The following GRIK4 variants were observed in gnomAD, a reference collection of about 807,000 sequenced individuals.
GRIK4 encodes glutamate receptor ionotropic, kainate 4.
Under a neutral mutation model 104.9 loss-of-function variants are expected in GRIK4, and 40 were observed. The ratio of observed to expected loss-of-function variants is 0.38; its 90% CI spans 0.30 to 0.50. GRIK4 has a LOEUF of 0.50. Ranked by LOEUF, GRIK4 falls within the 20% of genes least tolerant of loss-of-function variation. The pLI is 0.93. For missense variants in GRIK4, 1,047 were observed against 1,308.1 expected (o/e 0.80, Z 3.08); for synonymous variants, 485 against 524.9 (o/e 0.92, Z 1.04).
At chr11:120,934,204 CAAAAAAAAAAAAAAA>C (rs35705174) in intron 13 of GRIK4, among the ~76,000 whole-genome samples, 4 of 54,244 alleles carry the variant, frequency 7.4e-5, no homozygotes, top group Admixed American at 2.3e-4. Flanking sequence ...GACTCCGTCT[CAAAAAAAAAAAAAAA>C]AAAAAAAAAA....
chr11:120,875,111 G>T (rs768989782), intron 10 of GRIK4, 28 bp from the exon 11 acceptor site: 1 of 1,412,682 alleles, frequency 7.1e-7, no homozygotes, highest in Non-Finnish European at 1.0e-6. Flanking sequence ...GGCCTGTTTG[G>T]TGCTGTAACT....
rs182598824 is a variant in GRIK4, at chr11:120,595,900, G to C, written c.-158-57785G>C. Among the ~76,000 whole-genome samples the C allele has an allele frequency of 3.0e-3, 464 of 152,340 alleles. 3 individuals carry two copies. Among genetic ancestry groups the C allele is most frequent in the Non-Finnish European group, 5.5e-3 (371 of 68,038 alleles). On this transcript the variant is annotated intron_variant, in intron 1 of 20. Transcript: ENST00000527524. ...CTTGCTCTGTTGCCTGGGCTGGAGTGCAGTGGCGTGATCTCAGCTCACTGC... is the reference window on the plus strand; with the variant it reads ...CTTGCTCTGTTGCCTGGGCTGGAGTCCAGTGGCGTGATCTCAGCTCACTGC...
chr11:120,810,198 C>A (rs974119569), intron 4 of GRIK4, among the ~76,000 whole-genome samples: 7 of 152,230 alleles, frequency 4.6e-5, no homozygotes, highest in Non-Finnish European at 8.8e-5. Flanking sequence ...AGCTTTACAT[C>A]TGTCTGTTGA....
chr11:120,955,241 A>G (rs1274727371), intron 15 of GRIK4, among the ~76,000 whole-genome samples: 1 of 152,218 alleles, frequency 6.6e-6, no homozygotes, highest in East Asian at 1.9e-4. Context: ...GGGAGCCAAC[A>G]AAGTGGGGCA....
At chr11:120,604,214 T>A (rs1214529286) in intron 1 of GRIK4, among the ~76,000 whole-genome samples, 1 of 139,692 alleles carries the variant, frequency 7.2e-6, no homozygotes, top group African/African-American at 2.7e-5. Context: ...TCTGCCCCCC[T>A]TCGTTTGGAA....
chr11:120,645,162 G>A lies in GRIK4; in HGVS notation c.-158-8523G>A, dbSNP rs534312877. Among the ~76,000 whole-genome samples, 5 of 152,190 alleles carry A rather than the reference G, an allele frequency of 3.3e-5. No individual in the cohort carries two copies. The South Asian group carries it at 1.0e-3, about 32-fold the overall frequency. On this transcript the variant is annotated intron_variant, in intron 1 of 20. Coordinates refer to ENST00000527524, the MANE Select transcript of GRIK4 (RefSeq NM_014619.5). ...GTGTGTGTGTGTATGTGTATGTATG[G>A]TGGTTGTGTGTGTCTGTCCTTCAAG...
rs114707035 is a variant in GRIK4, at chr11:120,722,952, C to T, written c.82+62552C>T. On this transcript the variant is annotated intron_variant, in intron 3 of 20. Transcript: ENST00000527524. The stretch of plus-strand genomic sequence containing the variant: ...GAAGTTTAAAAGGGGTGGTAACTAA[C>T]AGGGCTTTATCCTGACACCAGCCAT... 5.8e-3 allele frequency among the ~76,000 whole-genome samples: 890 copies of T among 152,324 alleles called. 8 individuals carry two copies. The highest frequency in any genetic ancestry group is 0.021 in the African/African-American group (853 of 41,570).
chr11:120,746,587 G>A (rs1951442276), intron 3 of GRIK4, among the ~76,000 whole-genome samples: 1 of 152,182 alleles, frequency 6.6e-6, no homozygotes, highest in Non-Finnish European at 1.5e-5. Context: ...AAATGCCTTA[G>A]GAGAGGAACT....
intron 20 of GRIK4, 60 bp downstream of exon 20, chr11:120,982,284 C>T: frequency 2.2e-6 from 2 of 896,668 alleles, no homozygotes; most frequent in East Asian, 2.4e-5. Context: ...TTCACAGGCT[C>T]ATGCACATAT....
intron 1 of GRIK4, among the ~76,000 whole-genome samples, chr11:120,614,862 G>T (rs1163929006): frequency 6.6e-6 from 1 of 152,166 alleles, no homozygotes; most frequent in Non-Finnish European, 1.5e-5. Flanking sequence ...ATCCGGGTGT[G>T]GTGGCGGGCG....
intron 7 of GRIK4, among the ~76,000 whole-genome samples, chr11:120,835,534 A>AAAAAC (rs1555075335): frequency 2.0e-5 from 3 of 151,260 alleles, no homozygotes; most frequent in Non-Finnish European, 4.4e-5. Flanking sequence ...ACTCAAAGAA[A>AAAAAC]AAACAAACAA....
intron 3 of GRIK4, among the ~76,000 whole-genome samples, chr11:120,767,516 T>C (rs2135451092): frequency 6.6e-6 from 1 of 152,302 alleles, no homozygotes; most frequent in East Asian, 1.9e-4. Flanking sequence ...TTTCATTTTG[T>C]TGTTTATTTT....
chr11:120,645,973 G>A (rs959186272), intron 1 of GRIK4, among the ~76,000 whole-genome samples: 5 of 152,188 alleles, frequency 3.3e-5, no homozygotes, highest in Admixed American at 1.3e-4. Flanking sequence ...CCAGAAGGGC[G>A]ACTGATCCAT....
intron 6 of GRIK4, among the ~76,000 whole-genome samples, chr11:120,830,914 G>C (rs7938081): frequency 0.46 from 61,330 of 134,668 alleles, 13,252 homozygotes; most frequent in Middle Eastern, 0.58. Flanking sequence ...CATACCCTCT[G>C]CTGGCTGGCA....
In GRIK4 at chr11:120,986,673, AAAAATT is replaced by A. The variant is rs1944761086; in HGVS notation, c.*417_*422del. On this transcript the variant is annotated 3_prime_UTR_variant, in exon 21 of 21. Coordinates refer to ENST00000527524, the MANE Select transcript of GRIK4 (RefSeq NM_014619.5). ...TCCGTCTAGTTCTTACAGAAAAAAA[AAAAATT>A]AAACAGGGAAGTTTTTCTTTTCTGG... is the stretch of plus-strand genomic sequence containing the variant. The A allele has an allele frequency of 6.3e-6, 1 of 159,794 alleles. No homozygotes were observed. The highest frequency in any genetic ancestry group is 2.4e-5 in the African/African-American group (1 of 41,696). The allele number at this position is 159,794 out of a possible 1,614,324, so 9.9% of individuals were successfully genotyped here. A position where few individuals can be genotyped will look rare whatever the true frequency, so the allele number is the denominator to read the frequency against.
At chr11:120,785,247 A>G (rs1005538766) in intron 3 of GRIK4, among the ~76,000 whole-genome samples, 39 of 152,226 alleles carry the variant, frequency 2.6e-4, no homozygotes, top group African/African-American at 8.0e-4. Context: ...ACAGTCGTGC[A>G]TCTGGGCTGG....
intron 3 of GRIK4, among the ~76,000 whole-genome samples, chr11:120,787,322 C>T (rs547541583): frequency 6.6e-6 from 1 of 151,776 alleles, no homozygotes; most frequent in Non-Finnish European, 1.5e-5. Context: ...GAGTGAGACC[C>T]TGTCTCAAAA....
At chr11:120,516,823 G>C (rs1412027600) in intron 1 of GRIK4, among the ~76,000 whole-genome samples, 3 of 152,100 alleles carry the variant, frequency 2.0e-5, no homozygotes, top group Admixed American at 6.5e-5. Context: ...GAAGCCGGAG[G>C]GGGAAGCAGG....
chr11:120,696,244 G>A (rs775880338), intron 3 of GRIK4, among the ~76,000 whole-genome samples: 14 of 152,128 alleles, frequency 9.2e-5, no homozygotes, highest in African/African-American at 2.9e-4. Context: ...GGGGTTGCCC[G>A]TGAGCACATA....
Sources: allele counts gnomAD v4.1 joint callset (sites outside exome capture counted in the v4.1 genomes callset), GRCh38; gene constraint gnomAD v4.1.1; transcripts MANE v1.5; gene names NCBI Gene and HGNC (gene_info 2026-07-23, HGNC 2026-07-21).